Variants in NR1D2 observed in about 807,000 individuals in gnomAD.
NR1D2 encodes the protein nuclear receptor subfamily 1 group D member 2, also known as V-erbA-related protein 1-related.
A neutral mutation model predicts 52.2 loss-of-function variants in NR1D2; 25 were observed. The ratio of observed to expected loss-of-function variants is 0.48; its 90% CI spans 0.35 to 0.67. The LOEUF is 0.67. Among genes scored for constraint, NR1D2 ranks in the 30% least tolerant of loss-of-function variants. The pLI is 0.01. For missense variants in NR1D2, 681 were observed against 707.2 expected, an observed-to-expected ratio of 0.96 and a Z score of 0.42; for synonymous variants, 259 against 230.1, an observed-to-expected ratio of 1.13 and a Z score of -1.14.
intron 5 of NR1D2, among the ~76,000 whole-genome samples, chr3:23,964,454 AC>A (rs748950467): frequency 6.6e-6 from 1 of 152,252 alleles, no homozygotes; most frequent in South Asian, 2.1e-4. Context: ...TTGTAATTCT[AC>A]CTATATAGAA....
At chr3:23,948,466 A>G (rs1370707910) in intron 1 of NR1D2, among the ~76,000 whole-genome samples, 1 of 152,254 alleles carries the variant, frequency 6.6e-6, no homozygotes, top group Non-Finnish European at 1.5e-5. Context: ...AATAACCTAC[A>G]AAGAAACCAC....
rs1337740175 is a variant in NR1D2 at position 23,965,304 on chromosome 3, A to G, written c.1332+142A>G. 4 of 603,548 alleles carry G rather than the reference A, an allele frequency of 6.6e-6. No individual in the cohort carries two copies. In the Admixed American group the frequency reaches 1.6e-4, roughly 23 times the overall value. 37.4% of individuals were successfully genotyped at this position (603,548 alleles called of 1,614,324 possible). A position where few individuals can be genotyped will look rare whatever the true frequency, so the allele number is the denominator to read the frequency against. On this transcript the variant is annotated intron_variant, in intron 6 of 7. Transcript: ENST00000312521. The stretch of plus-strand genomic sequence containing the variant: ...ACCCAGGCTGGAGTGCAGCAGCGCG[A>G]TCATAGCTCACTGCAACCTCTGCTT...
chr3:23,962,068 C>G lies in NR1D2; in HGVS notation c.609C>G (p.Phe203Leu), dbSNP rs1399454442. 3.1e-6 allele frequency: 5 copies of G among 1,614,072 alleles called. No homozygotes were observed. Among genetic ancestry groups the G allele is most frequent in the Non-Finnish European group, 4.2e-6 (5 of 1,180,028 alleles). The change falls in exon 5 of 8, where the codon TTC (phenylalanine) becomes TTG (leucine). Residue 203 changes from phenylalanine (F) to leucine (L), a missense_variant. By Grantham distance (22) the Phe-to-Leu change is conservative. Coordinates refer to ENST00000312521, the MANE Select transcript of NR1D2 (RefSeq NM_005126.5). ...TGAAGACCATGATGAACAGCCAGTTCAGTGGTCACTTGCAAAATGACACAT... is the reference window on the plus strand; with the variant it reads ...TGAAGACCATGATGAACAGCCAGTTGAGTGGTCACTTGCAAAATGACACAT... ...SAMKTMMNSQFSGHLQNDTLV... is the reference protein window; with the variant it reads ...SAMKTMMNSQLSGHLQNDTLV...
At chr3:23,953,728 A>G (rs1453099367) in intron 1 of NR1D2, among the ~76,000 whole-genome samples, 1 of 152,226 alleles carries the variant, frequency 6.6e-6, no homozygotes, top group Non-Finnish European at 1.5e-5. Context: ...CTACCATTCT[A>G]AATGTTACAT....
intron 1 of NR1D2, among the ~76,000 whole-genome samples, chr3:23,948,214 C>T (rs902263466): frequency 1.3e-5 from 2 of 152,176 alleles, no homozygotes; most frequent in African/African-American, 4.8e-5. Context: ...CTACCCTTCC[C>T]TCTAGTTTGG....
At chr3:23,960,449 G>A (rs1474429941) in intron 4 of NR1D2, among the ~76,000 whole-genome samples, 1 of 152,044 alleles carries the variant, frequency 6.6e-6, no homozygotes, top group East Asian at 1.9e-4. Flanking sequence ...TCCTGCCTCA[G>A]CTTCCTGAGT....
intron 1 of NR1D2, among the ~76,000 whole-genome samples, chr3:23,952,913 C>T (rs1705981155): frequency 6.6e-6 from 1 of 151,406 alleles, no homozygotes; most frequent in Non-Finnish European, 1.5e-5. Flanking sequence ...CATCTGATAT[C>T]TACTACATGA....
intron 5 of NR1D2, among the ~76,000 whole-genome samples, chr3:23,963,910 C>A (rs1379707742): frequency 9.0e-6 from 1 of 111,296 alleles, no homozygotes; most frequent in Non-Finnish European, 1.8e-5. Flanking sequence ...GTTTCATCAT[C>A]TTTTTGGTGT....
intron 7 of NR1D2, among the ~76,000 whole-genome samples, chr3:23,969,947 G>T (rs951703812): frequency 6.6e-6 from 1 of 152,178 alleles, no homozygotes; most frequent in Non-Finnish European, 1.5e-5. Flanking sequence ...GGTGGCCAAA[G>T]CCTGGAGTGT....
rs147953517 is a variant in NR1D2, at chr3:23,971,908, A to T, written c.1543+3885A>T. Among the ~76,000 whole-genome samples the T allele has an allele frequency of 6.6e-5, 10 of 152,336 alleles. No homozygotes were observed. The East Asian group carries it at 1.9e-3, about 29-fold the overall frequency. ...GTTGAAAGTCAGCATTTATGGTATT[A>T]TGATTATGTAAATAGTACTTACAGT... On this transcript the variant is annotated intron_variant, in intron 7 of 7. Coordinates refer to ENST00000312521, the MANE Select transcript of NR1D2 (RefSeq NM_005126.5).
rs545208199 is a variant in NR1D2 at position 23,951,792 on chromosome 3, C to T, written c.17-2745C>T. On this transcript the variant is annotated intron_variant, in intron 1 of 7. Coordinates refer to ENST00000312521, the MANE Select transcript of NR1D2 (RefSeq NM_005126.5). Reference sequence around the variant, plus strand: ...CACATTCCTGAGGATGTGTTCTCGTCTGGGCAGGGCCTTGGAAACATGTAT... The same window carrying T: ...CACATTCCTGAGGATGTGTTCTCGTTTGGGCAGGGCCTTGGAAACATGTAT... Among the ~76,000 whole-genome samples the T allele has an allele frequency of 5.3e-5, 8 of 152,338 alleles. No individual in the cohort carries two copies. In the South Asian group the frequency reaches 1.7e-3, roughly 32 times the overall value.
At chr3:23,953,165 CATCTCTACTAAAAA>C in intron 1 of NR1D2, among the ~76,000 whole-genome samples, 1 of 150,760 alleles carries the variant, frequency 6.6e-6, no homozygotes, top group Non-Finnish European at 1.5e-5. Context: ...GGTGAAACCC[CATCTCTACTAAAAA>C]AAAAAATACA....
At chr3:23,954,466 T>C in intron 1 of NR1D2, 71 bp from the exon 2 acceptor site, 2 of 1,325,794 alleles carry the variant, frequency 1.5e-6, no homozygotes. Context: ...GGCTTTACTG[T>C]TGAGATTTGC....
chr3:23,972,677 C>T (rs1376248905), intron 7 of NR1D2, among the ~76,000 whole-genome samples: 1 of 152,048 alleles, frequency 6.6e-6, no homozygotes, highest in Non-Finnish European at 1.5e-5. Flanking sequence ...CAATGAAGAA[C>T]CAGCTAAGGA....
chr3:23,974,636 T>A (rs9837939), intron 7 of NR1D2, among the ~76,000 whole-genome samples: 20,053 of 151,888 alleles, frequency 0.13, 1,897 homozygotes, highest in African/African-American at 0.25. Flanking sequence ...GTGTTTTTTT[T>A]AAAAAAACCA....
chr3:23,960,049 A>G (rs1211017973), intron 4 of NR1D2: 1 of 316,330 alleles, frequency 3.2e-6, no homozygotes, highest in East Asian at 5.5e-5. Context: ...TTCTAAAAAG[A>G]GCCATTTTTT....
chr3:23,960,973 G>A (rs1345976121), intron 4 of NR1D2, among the ~76,000 whole-genome samples: 1 of 152,170 alleles, frequency 6.6e-6, no homozygotes, highest in East Asian at 1.9e-4. Flanking sequence ...TTGGAGACAA[G>A]ACACCTTCTA....
At chr3:23,964,782 A>G (rs981091896) in intron 5 of NR1D2, 195 bp from the exon 6 acceptor site, 2 of 449,474 alleles carry the variant, frequency 4.4e-6, no homozygotes, top group Non-Finnish European at 7.8e-6. Context: ...GTTAATTGCT[A>G]TTTATATTAG....
In NR1D2 at chr3:23,978,228, T is replaced by C. The variant is rs559411058; in HGVS notation, c.*809T>C. On this transcript the variant is annotated 3_prime_UTR_variant, in exon 8 of 8. Coordinates refer to ENST00000312521, the MANE Select transcript of NR1D2 (RefSeq NM_005126.5). ...GGGTACAACAAAGACATAGTACATG[T>C]ACATAATATGTATGTGAATATAGTT... 1 of 152,342 alleles carries C rather than the reference T, an allele frequency of 6.6e-6. No homozygotes were observed. Among genetic ancestry groups the C allele is most frequent in the East Asian group, 1.9e-4 (1 of 5,192 alleles). 9.4% of individuals were successfully genotyped at this position (152,342 alleles called of 1,614,324 possible).
Sources: allele counts gnomAD v4.1 joint callset (sites outside exome capture counted in the v4.1 genomes callset), GRCh38; gene constraint gnomAD v4.1.1; transcripts MANE v1.5; gene names NCBI Gene and HGNC (gene_info 2026-07-23, HGNC 2026-07-21).